The following NSMAF variants were observed in gnomAD, a reference collection of about 807,000 sequenced individuals.
The protein encoded by NSMAF is protein FAN.
Under a neutral mutation model 134.9 loss-of-function variants are expected in NSMAF, and 90 were observed. The observed-to-expected ratio is 0.67, with a 90% CI of 0.56 to 0.79. The LOEUF (loss-of-function observed/expected upper bound fraction) is 0.79, where lower values mean the gene tolerates loss of function less well. Among genes scored for constraint, NSMAF ranks in the 30% least tolerant of loss-of-function variants. The probability of loss-of-function intolerance (pLI) is 0.00; values close to 1 mark genes in which losing one functional copy is unlikely to be tolerated. For synonymous variants in NSMAF, 358 were observed against 389.6 expected, an observed-to-expected ratio of 0.92 and a Z score of 0.96; for missense variants, 1,010 against 1,119.0, an observed-to-expected ratio of 0.90 and a Z score of 1.39.
chr8:58,586,530 G>C lies in NSMAF; in HGVS notation c.2374C>G (p.Leu792Val). The change falls in exon 28 of 31, where the codon CTC becomes GTC. Residue 792 changes from leucine (L) to valine (V), a missense_variant. Physicochemically the swap from Leu to Val is conservative, Grantham distance 32. Transcript: ENST00000038176. ...TKEGTVNIWD[L>V]TTATLMHQIP... ...TGGTGCATTAAGGTGGCCGTTGTGA[G>C]GTCCCAAATATTCACTGTGCCTTCT... is the stretch of plus-strand genomic sequence containing the variant. 3.1e-6 allele frequency: 5 copies of C among 1,614,030 alleles called. No homozygotes were observed. The highest frequency in any genetic ancestry group is 4.2e-6 in the Non-Finnish European group (5 of 1,179,960).
chr8:58,601,786 T>C (rs1461468331), intron 14 of NSMAF, among the ~76,000 whole-genome samples: 1 of 152,216 alleles, frequency 6.6e-6, no homozygotes, highest in Non-Finnish European at 1.5e-5. Flanking sequence ...GAACTGATTT[T>C]ATGTGTCTCT....
In NSMAF at chr8:58,607,801, T is replaced by C. The variant is rs1806441712; in HGVS notation, c.727A>G (p.Ile243Val). 1.9e-6 allele frequency: 3 copies of C among 1,614,226 alleles called. No individual in the cohort carries two copies. Among genetic ancestry groups the C allele is most frequent in the Non-Finnish European group, 2.5e-6 (3 of 1,180,026 alleles). ...VQITLQDVRRIYKRRHGLMPL... is the reference protein window; with the variant it reads ...VQITLQDVRRVYKRRHGLMPL... ...ATGAGGCCGTGCCTCCTTTTGTAGA[T>C]GCGGCGGACATCTTGGAGTGTTATC... is the stretch of plus-strand genomic sequence containing the variant. Residue 243 changes from isoleucine to valine, a missense_variant, in exon 11 of 31, where the codon ATC becomes GTC. By Grantham distance (29) the Ile-to-Val change is conservative (BLOSUM62 3). Transcript: ENST00000038176.
chr8:58,593,807 G>A (rs980345927), intron 23 of NSMAF, among the ~76,000 whole-genome samples: 1 of 152,154 alleles, frequency 6.6e-6, no homozygotes, highest in African/African-American at 2.4e-5. Context: ...CAAATATCCC[G>A]AAGAAATATA....
Position 58,586,507 on chromosome 8 carries a change from G to T in NSMAF, c.2397C>A (p.His799Gln). ...IWDLTTATLM[H>Q]QIPCHSGIVC... ...CAATCCCTGAATGGCATGGAATCTG[G>T]TGCATTAAGGTGGCCGTTGTGAGGT... The change falls in exon 28 of 31, where the codon CAC becomes CAA. Residue 799 changes from histidine (H) to glutamine (Q), a missense_variant. Transcript: ENST00000038176. 6.2e-7 allele frequency: 1 copy of T among 1,612,858 alleles called. No homozygotes were observed. The highest frequency in any genetic ancestry group is 8.5e-7 in the Non-Finnish European group (1 of 1,179,940).
intron 10 of NSMAF, among the ~76,000 whole-genome samples, chr8:58,609,294 T>C (rs1282946736): frequency 6.6e-6 from 1 of 152,208 alleles, no homozygotes; most frequent in Non-Finnish European, 1.5e-5. Context: ...AGGAAATGCC[T>C]CCTAGAAGAA....
chr8:58,637,042 C>A (rs75646495), intron 2 of NSMAF, among the ~76,000 whole-genome samples: 2,842 of 142,458 alleles, frequency 0.02, 36 homozygotes, highest in Non-Finnish European at 0.031. Context: ...ACACACACAC[C>A]CACACACAAA....
At position 58,584,027 on chromosome 8, in the gene NSMAF, TTCACCAG is replaced by T; in HGVS notation, c.*72_*78del. ...AACTTCTAATTACTAACATTGCACATTCACCAGTCCGTTTAAAAGTTTGGTTTAAAAA... is the reference window on the plus strand; with the variant it reads ...AACTTCTAATTACTAACATTGCACATTCCGTTTAAAAGTTTGGTTTAAAAA... On this transcript the variant is annotated 3_prime_UTR_variant, in exon 31 of 31. Coordinates refer to ENST00000038176, the MANE Select transcript of NSMAF (RefSeq NM_003580.4). 9.1e-7 allele frequency: 1 copy of T among 1,097,738 alleles called. No individual in the cohort carries two copies. The allele number at this position is 1,097,738 out of a possible 1,614,324, so 68.0% of individuals were successfully genotyped here.
At chr8:58,601,085 A>G in intron 16 of NSMAF, 200 bp downstream of exon 16, 1 of 455,436 alleles carries the variant, frequency 2.2e-6, no homozygotes. Flanking sequence ...AGGTAGGACA[A>G]AAAGCTGTAC....
chr8:58,631,987 T>C (rs942583531), intron 5 of NSMAF, among the ~76,000 whole-genome samples: 1 of 152,104 alleles, frequency 6.6e-6, no homozygotes, highest in South Asian at 2.1e-4. Flanking sequence ...GGGCCACTGG[T>C]CCTTACATAG....
chr8:58,608,378 A>G (rs1806455260), intron 10 of NSMAF, among the ~76,000 whole-genome samples: 2 of 152,228 alleles, frequency 1.3e-5, no homozygotes, highest in Non-Finnish European at 2.9e-5. Context: ...TTGCTTTTCT[A>G]TAATTTTAAA....
intron 23 of NSMAF, among the ~76,000 whole-genome samples, chr8:58,591,741 C>T (rs1018432949): frequency 6.6e-6 from 1 of 152,026 alleles, no homozygotes; most frequent in Non-Finnish European, 1.5e-5. Context: ...CCCCCTTCGG[C>T]CTCCCAAAAT....
chr8:58,649,937 T>G (rs1218322267), intron 1 of NSMAF, among the ~76,000 whole-genome samples: 1 of 152,212 alleles, frequency 6.6e-6, no homozygotes, highest in Non-Finnish European at 1.5e-5. Context: ...TCTAGTGGTT[T>G]ATAAATAATC....
Position 58,642,977 on chromosome 8 carries a change from T to G in NSMAF, c.149+7A>C. ...GTTTGTCCAAGGAGATACCGAAGCT[T>G]CCTTACCTTTCATGGTGACTGCCCT... On this transcript the variant is annotated splice_region_variant and intron_variant, in intron 2 of 30. Transcript: ENST00000038176. 1 of 1,604,796 alleles carries G rather than the reference T, an allele frequency of 6.2e-7. No individual in the cohort carries two copies. The highest frequency in any genetic ancestry group is 8.5e-7 in the Non-Finnish European group (1 of 1,171,494).
At chr8:58,656,293 G>A (rs909269028) in intron 1 of NSMAF, among the ~76,000 whole-genome samples, 69 of 152,204 alleles carry the variant, frequency 4.5e-4, no homozygotes, top group African/African-American at 1.5e-3. Flanking sequence ...TGAGCCCTGT[G>A]TCTGGCCTGC....
chr8:58,593,979 G>A (rs1394154626), intron 23 of NSMAF, among the ~76,000 whole-genome samples: 1 of 152,206 alleles, frequency 6.6e-6, no homozygotes, highest in Non-Finnish European at 1.5e-5. Flanking sequence ...CCCAGCAAGG[G>A]TGTGGAAAGG....
chr8:58,599,551 C>A, intron 18 of NSMAF, 188 bp from the exon 19 acceptor site: 1 of 889,410 alleles, frequency 1.1e-6, no homozygotes, highest in Non-Finnish European at 1.6e-6. Flanking sequence ...ATCATTTTCA[C>A]ATTAAGGTCT....
At position 58,584,220 on chromosome 8, in the gene NSMAF, G is replaced by A. The variant is rs987046397; in HGVS notation, c.2660-20C>T. ...CAGCACCTGAGAGAAAGACATTTTG[G>A]TTAGTTAGGAAGTTGACCAGGAGGC... On this transcript the variant is annotated intron_variant, in intron 30 of 30. Coordinates refer to ENST00000038176, the MANE Select transcript of NSMAF (RefSeq NM_003580.4). 3.8e-6 allele frequency: 6 copies of A among 1,597,764 alleles called. No homozygotes were observed. Among genetic ancestry groups the A allele is most frequent in the Non-Finnish European group, 5.1e-6 (6 of 1,166,370 alleles).
At chr8:58,612,709 T>C (rs1020274698) in intron 9 of NSMAF, among the ~76,000 whole-genome samples, 1 of 152,106 alleles carries the variant, frequency 6.6e-6, no homozygotes. Context: ...AGACAATGAA[T>C]CGAATTGTAG....
intron 6 of NSMAF, among the ~76,000 whole-genome samples, chr8:58,625,469 G>A (rs945883185): frequency 6.6e-6 from 1 of 151,824 alleles, no homozygotes; most frequent in Non-Finnish European, 1.5e-5. Flanking sequence ...TGTTTCTCTG[G>A]AGAACCCTGA....
Sources: gnomAD v4.1 joint callset for allele counts (sites outside exome capture counted in the v4.1 genomes callset) on GRCh38, gnomAD v4.1.1 for gene constraint, MANE v1.5 for transcripts, NCBI Gene and HGNC (gene_info 2026-07-23, HGNC 2026-07-21) for gene names.